The following PTPN23 variants were observed in gnomAD, a reference collection of about 807,000 sequenced individuals.
The protein encoded by PTPN23 is tyrosine-protein phosphatase non-receptor type 23.
A neutral mutation model predicts 156.3 loss-of-function variants in PTPN23; 72 were observed. The observed-to-expected ratio is 0.46, with a 90% CI of 0.38 to 0.56. PTPN23 has a LOEUF of 0.56. PTPN23 is among the 20% of genes least tolerant of loss of function. PTPN23 has a pLI of 0.00. For missense variants in PTPN23, 1,974 were observed against 2,171.5 expected, an observed-to-expected ratio of 0.91 and a Z score of 1.81; for synonymous variants, 957 against 899.6, an observed-to-expected ratio of 1.06 and a Z score of -1.14.
In PTPN23 at chr3:47,411,930, T is replaced by A; in HGVS notation, c.4036T>A (p.Ser1346Thr). The A allele has an allele frequency of 6.2e-7, 1 of 1,613,172 alleles. No homozygotes were observed. Among genetic ancestry groups the A allele is most frequent in the Non-Finnish European group, 8.5e-7 (1 of 1,179,844 alleles). The change falls in exon 21 of 25, where the codon TCT becomes ACT. Residue 1346 changes from serine (S) to threonine (T), a missense_variant. Physicochemically the swap from Ser to Thr is moderately conservative, Grantham distance 58. Coordinates refer to ENST00000265562, the MANE Select transcript of PTPN23 (RefSeq NM_015466.4). The surrounding 1 kb of genome is among the most constrained non-coding windows in gnomAD (Gnocchi z 6.3). ...LQFRDQSLKR[S>T]LVHLHFPTWP... ...GTTCCGAGACCAGAGCCTCAAGCGCTCTCTTGTGCACCTGCACTTCCCCAC... is the reference window on the plus strand; with the variant it reads ...GTTCCGAGACCAGAGCCTCAAGCGCACTCTTGTGCACCTGCACTTCCCCAC...
chr3:47,397,323 G>A (rs769511240), intron 2 of PTPN23, among the ~76,000 whole-genome samples: 4 of 152,230 alleles, frequency 2.6e-5, no homozygotes, highest in Non-Finnish European at 5.9e-5. Context: ...GTGTGATGCA[G>A]AATTGTCACA....
At chr3:47,385,134 A>G (rs1704627283) in intron 1 of PTPN23, among the ~76,000 whole-genome samples, 1 of 152,152 alleles carries the variant, frequency 6.6e-6, no homozygotes, top group Non-Finnish European at 1.5e-5. Flanking sequence ...TGGAGGCCAG[A>G]GTGCTGATTC....
intron 2 of PTPN23, among the ~76,000 whole-genome samples, chr3:47,398,116 C>T (rs1482759424): frequency 2.0e-5 from 3 of 152,036 alleles, no homozygotes; most frequent in South Asian, 2.1e-4. Context: ...GCCAACATGG[C>T]GAAACCCCCT....
At chr3:47,385,914 C>A (rs562175286) in intron 1 of PTPN23, among the ~76,000 whole-genome samples, 1 of 152,296 alleles carries the variant, frequency 6.6e-6, no homozygotes, top group East Asian at 1.9e-4. Context: ...TAACTTCACT[C>A]CCCAGTCCTC....
Position 47,405,635 on chromosome 3 carries a change from T to C in PTPN23, c.365-114T>C, listed in dbSNP as rs982966202. On this transcript the variant is annotated intron_variant, in intron 4 of 24. Transcript: ENST00000265562. The surrounding 1 kb of genome is among the most constrained non-coding windows in gnomAD (Gnocchi z 4.7). ...TTGGGTGTCCTTGGACTCGTTGCCC[T>C]GGTTCTCAGAGCCATGTTGTCCTGA... 2 of 1,117,108 alleles carry C rather than the reference T, an allele frequency of 1.8e-6. No individual in the cohort carries two copies. The highest frequency in any genetic ancestry group is 2.6e-6 in the Non-Finnish European group (2 of 774,046). 69.2% of individuals were successfully genotyped at this position (1,117,108 alleles called of 1,614,324 possible).
In PTPN23 at chr3:47,413,245, A is replaced by T; in HGVS notation, c.*60A>T. 6.5e-7 allele frequency: 1 copy of T among 1,548,726 alleles called. No homozygotes were observed. Among genetic ancestry groups the T allele is most frequent in the Non-Finnish European group, 8.7e-7 (1 of 1,143,270 alleles). On this transcript the variant is annotated 3_prime_UTR_variant, in exon 25 of 25. Transcript: ENST00000265562. ...ATCATCATCTCATGCCCACCTGCCC[A>T]CACCCAGCAGAGCTTCTCAGTGGGC...
Position 47,407,679 on chromosome 3 carries a change from CA to C in PTPN23, c.1004-16del, listed in dbSNP as rs1165117275. On this transcript the variant is annotated splice_polypyrimidine_tract_variant and intron_variant, in intron 12 of 24. Coordinates refer to ENST00000265562, the MANE Select transcript of PTPN23 (RefSeq NM_015466.4). This position sits in a 1 kb window ranked among gnomAD's most constrained non-coding sequence, Gnocchi z 4.0. ...GGACTCTGCGTGGGCCTGATCTCCA[CA>C]ATTCCCACCCCCCCAGGAGCCCCCT... 1 of 1,610,714 alleles carries C rather than the reference CA, an allele frequency of 6.2e-7. No individual in the cohort carries two copies. Among genetic ancestry groups the C allele is most frequent in the African/African-American group, 1.3e-5 (1 of 74,840 alleles).
chr3:47,385,432 T>A (rs992330281), intron 1 of PTPN23, among the ~76,000 whole-genome samples: 2 of 152,130 alleles, frequency 1.3e-5, no homozygotes, highest in African/African-American at 4.8e-5. Context: ...ATCCCAGCAC[T>A]TTGGGAGGCT....
Position 47,412,957 on chromosome 3 carries a change from G to T in PTPN23, c.4683G>T (p.Glu1561Asp). 1 of 1,605,066 alleles carries T rather than the reference G, an allele frequency of 6.2e-7. No individual in the cohort carries two copies. Among genetic ancestry groups the T allele is most frequent in the Non-Finnish European group, 8.5e-7 (1 of 1,175,864 alleles). Residue 1561 changes from glutamate (E) to aspartate (D), a missense_variant, in exon 25 of 25, where the codon GAG (glutamate) becomes GAT (aspartate). Coordinates refer to ENST00000265562, the MANE Select transcript of PTPN23 (RefSeq NM_015466.4). ...PLPEAPQPKEEPPVPEAPSSG... is the reference protein window; with the variant it reads ...PLPEAPQPKEDPPVPEAPSSG... The stretch of plus-strand genomic sequence containing the variant: ...CTGAGGCTCCCCAGCCTAAGGAGGA[G>T]CCGCCAGTGCCTGAAGCCCCCAGCT...
intron 14 of PTPN23, 105 bp downstream of exon 14, chr3:47,408,060 A>C: frequency 7.3e-7 from 1 of 1,373,664 alleles, no homozygotes; most frequent in Admixed American, 2.0e-5. Flanking sequence ...TGTCCATTCC[A>C]AACAGGTTTC....
intron 1 of PTPN23, among the ~76,000 whole-genome samples, chr3:47,388,996 C>T (rs1292509829): frequency 1.3e-5 from 2 of 152,130 alleles, no homozygotes; most frequent in Non-Finnish European, 2.9e-5. Flanking sequence ...TTCTATCTAA[C>T]TATATTTTTG....
intron 2 of PTPN23, among the ~76,000 whole-genome samples, chr3:47,401,209 T>C (rs1024747601): frequency 4.0e-5 from 6 of 151,788 alleles, no homozygotes; most frequent in Non-Finnish European, 7.4e-5. Context: ...CCTTTTATTT[T>C]ATTTTTTGAG....
chr3:47,404,407 C>CTTTTTT (rs10647488), intron 2 of PTPN23, among the ~76,000 whole-genome samples: 2 of 140,644 alleles, frequency 1.4e-5, no homozygotes, highest in African/African-American at 2.6e-5. Context: ...GAATGAGACT[C>CTTTTTT]TTTTTTTTTT....
intron 2 of PTPN23, among the ~76,000 whole-genome samples, chr3:47,396,637 T>C (rs1704885142): frequency 6.6e-6 from 1 of 151,598 alleles, no homozygotes; most frequent in Non-Finnish European, 1.5e-5. Context: ...GAAAGACAGC[T>C]GGATGTGTGA....
At chr3:47,404,807 TCC>T (rs1292008027) in intron 3 of PTPN23, 28 bp downstream of exon 3, 16 of 1,609,662 alleles carry the variant, frequency 9.9e-6, no homozygotes, top group Middle Eastern at 3.3e-4. Context: ...GGCTGGAGGA[TCC>T]CACGGGGAGT....
rs762384091 is a variant in PTPN23 at position 47,406,899 on chromosome 3, C to T, written c.807+149C>T. ...GAGGCCTGGTGTCTTAAGTGTTGTC[C>T]CATCTGTGCAGCCCTCGTCCCTCGG... On this transcript the variant is annotated intron_variant, in intron 9 of 24. Transcript: ENST00000265562. The surrounding 1 kb of genome is among the most constrained non-coding windows in gnomAD (Gnocchi z 5.8). 121 of 1,220,606 alleles carry T rather than the reference C, an allele frequency of 9.9e-5. No individual in the cohort carries two copies. The highest frequency in any genetic ancestry group is 1.3e-4 in the Non-Finnish European group (110 of 863,752). The allele number at this position is 1,220,606 out of a possible 1,614,324, so 75.6% of individuals were successfully genotyped here. A position where few individuals can be genotyped will look rare whatever the true frequency, so the allele number is the denominator to read the frequency against.
intron 2 of PTPN23, among the ~76,000 whole-genome samples, chr3:47,401,885 C>T (rs1027691357): frequency 6.6e-6 from 1 of 152,170 alleles, no homozygotes; most frequent in Non-Finnish European, 1.5e-5. Context: ...TAGAGTACAA[C>T]TGGTGCCTGA....
chr3:47,409,811 TGCCCGCCAGCA>T lies in PTPN23; in HGVS notation c.2109_2119del (p.Arg704ProfsTer27). Reference sequence around the variant, plus strand: ...AGTCCACCTGCCAGGCCCGCGAGGCTGCCCGCCAGCAGCTCCTGGACAGGTTTGTGTGGCCC... The same window carrying T: ...AGTCCACCTGCCAGGCCCGCGAGGCTGCTCCTGGACAGGTTTGTGTGGCCC... On this transcript the variant is annotated frameshift_variant, in exon 19 of 25. Transcript: ENST00000265562. LOFTEE classifies it high-confidence loss of function. The T allele has an allele frequency of 6.2e-7, 1 of 1,609,764 alleles. No homozygotes were observed. The highest frequency in any genetic ancestry group is 8.5e-7 in the Non-Finnish European group (1 of 1,179,184).
rs376421093 is a variant in PTPN23, at chr3:47,413,036, T to C, written c.4762T>C (p.Phe1588Leu). The change falls in exon 25 of 25, where the codon TTC becomes CTC. Residue 1588 changes from phenylalanine to leucine, a missense_variant. Transcript: ENST00000265562. ...GCTGGCCTCCTTGACCCCAGAGGCCTTCTCCCTGGACAGCTCCCTGCGGGG... is the reference window on the plus strand; with the variant it reads ...GCTGGCCTCCTTGACCCCAGAGGCCCTCTCCCTGGACAGCTCCCTGCGGGG... ...ELLASLTPEA[F>L]SLDSSLRGKQ... 5 of 1,612,676 alleles carry C rather than the reference T, an allele frequency of 3.1e-6. No homozygotes were observed. Among genetic ancestry groups the C allele is most frequent in the Non-Finnish European group, 4.2e-6 (5 of 1,179,986 alleles).
Sources: allele counts gnomAD v4.1 joint callset (sites outside exome capture counted in the v4.1 genomes callset), GRCh38; gene constraint gnomAD v4.1.1; non-coding constraint Gnocchi (gnomAD v3.1); transcripts MANE v1.5; gene names NCBI Gene and HGNC (gene_info 2026-07-23, HGNC 2026-07-21).